Variants in FBXW10 observed in about 807,000 individuals in gnomAD.
The protein encoded by FBXW10 is F-box/WD repeat-containing protein 10.
FBXW10 carries 68 observed loss-of-function variants against 113.1 expected under a neutral mutation model. That is an observed-to-expected ratio of 0.60 (90% CI 0.49 to 0.74). FBXW10 has a LOEUF of 0.74. FBXW10 is among the 30% of genes least tolerant of loss of function. FBXW10 has a pLI of 0.00. For missense variants in FBXW10, 753 were observed against 1,284.5 expected (o/e 0.59, Z 6.32); for synonymous variants, 289 against 481.6 (o/e 0.60, Z 5.24).
chr17:18,778,824 G>A lies in FBXW10; in HGVS notation c.2685G>A (p.Leu895=). Residue 895 remains leucine, a synonymous_variant, in exon 14 of 14, where the codon TTG becomes TTA. Transcript: ENST00000395665. ...PLEIQKLQPN[L]KISLHSPRVQ... ...AAATCCAGAAACTGCAGCCCAACTT[G>A]AAGATCTCTTTGCACAGTCCTAGAG... is the stretch of plus-strand genomic sequence containing the variant. 6.2e-7 allele frequency: 1 copy of A among 1,613,910 alleles called. No individual in the cohort carries two copies. Among genetic ancestry groups the A allele is most frequent in the Non-Finnish European group, 8.5e-7 (1 of 1,179,862 alleles).
intron 7 of FBXW10, among the ~76,000 whole-genome samples, chr17:18,760,967 A>G (rs1218151097): frequency 6.6e-6 from 1 of 152,056 alleles, no homozygotes; most frequent in Non-Finnish European, 1.5e-5. Flanking sequence ...TCAACCTTGT[A>G]TGTGGCATTA....
intron 1 of FBXW10, chr17:18,745,075 C>T (rs112087876): frequency 0.33 from 404,206 of 1,231,942 alleles, 70,833 homozygotes; most frequent in Non-Finnish European, 0.36. Context: ...ATGCTGGTGT[C>T]GTTCCTGCTT....
chr17:18,764,281 A>C (rs563226722), intron 7 of FBXW10, among the ~76,000 whole-genome samples: 7 of 147,426 alleles, frequency 4.7e-5, no homozygotes, highest in Non-Finnish European at 4.4e-5. Flanking sequence ...AGCTCGCTGC[A>C]ACCTCTGCCT....
At chr17:18,756,206 A>T (rs767878650) in intron 6 of FBXW10, 52 bp downstream of exon 6, 2 of 1,556,812 alleles carry the variant, frequency 1.3e-6, no homozygotes, top group South Asian at 2.3e-5. Flanking sequence ...AGTTACCCAC[A>T]CTGACATTTG....
At chr17:18,761,394 T>C (rs1317192320) in intron 7 of FBXW10, among the ~76,000 whole-genome samples, 1 of 151,718 alleles carries the variant, frequency 6.6e-6, no homozygotes, top group Non-Finnish European at 1.5e-5. Flanking sequence ...GCCTCCCGAG[T>C]AGCTGGGACT....
At chr17:18,756,252 G>A (rs544706827) in intron 6 of FBXW10, 98 bp downstream of exon 6, 7 of 1,092,092 alleles carry the variant, frequency 6.4e-6, no homozygotes, top group Admixed American at 6.2e-5. Context: ...GGAAAGGCAA[G>A]CTCTCCTCAC....
rs1193914346 is a variant in FBXW10, at chr17:18,749,730, T to G, written c.679T>G (p.Trp227Gly). The G allele has an allele frequency of 6.2e-7, 1 of 1,613,992 alleles. No individual in the cohort carries two copies. The highest frequency in any genetic ancestry group is 2.2e-5 in the East Asian group (1 of 44,888). ...LGAASNPEEP[W>G]RNSLRCISEM... Reference sequence around the variant, plus strand: ...CTCTGGCTTCACTCTAGAGGAACCATGGAGGAATTCACTCCGGTGTATATC... The same window carrying G: ...CTCTGGCTTCACTCTAGAGGAACCAGGGAGGAATTCACTCCGGTGTATATC... The change falls in exon 3 of 14, where the codon TGG becomes GGG. Residue 227 changes from tryptophan (W) to glycine (G), a missense_variant. Transcript: ENST00000395665.
chr17:18,770,165 C>T, intron 11 of FBXW10, 80 bp downstream of exon 11: 1 of 1,594,576 alleles, frequency 6.3e-7, no homozygotes, highest in Non-Finnish European at 8.6e-7. Flanking sequence ...GGGATACCAG[C>T]CCTGGATTTG....
At chr17:18,758,957 G>A (rs1260036802) in intron 7 of FBXW10, among the ~76,000 whole-genome samples, 1 of 152,022 alleles carries the variant, frequency 6.6e-6, no homozygotes, top group Non-Finnish European at 1.5e-5. Context: ...CACGAGGTCA[G>A]GAAATCAAGA....
rs567124615 is a variant in FBXW10 at position 18,763,719 on chromosome 17, A to G, written c.1434-1023A>G. 7.2e-5 allele frequency among the ~76,000 whole-genome samples: 11 copies of G among 152,284 alleles called. No homozygotes were observed. In the South Asian group the frequency reaches 1.5e-3, roughly 20 times the overall value. ...AGATAATTCATCTTTGCTCCCATCT[A>G]TCTCTTAGATATGCTCTATATGTAC... On this transcript the variant is annotated intron_variant, in intron 7 of 13. Transcript: ENST00000395665.
intron 5 of FBXW10, among the ~76,000 whole-genome samples, chr17:18,753,252 G>A (rs1359954752): frequency 1.3e-5 from 2 of 152,138 alleles, no homozygotes; most frequent in Non-Finnish European, 1.5e-5. Flanking sequence ...AAAACAGTGG[G>A]CCATCATGAG....
At chr17:18,768,313 G>A (rs979619768) in intron 9 of FBXW10, among the ~76,000 whole-genome samples, 24 of 152,046 alleles carry the variant, frequency 1.6e-4, no homozygotes, top group African/African-American at 4.6e-4. Context: ...TGATCCGCCC[G>A]CCTCGGCCTC....
intron 7 of FBXW10, among the ~76,000 whole-genome samples, chr17:18,761,543 G>A (rs548628284): frequency 4.3e-4 from 65 of 152,306 alleles, no homozygotes; most frequent in Non-Finnish European, 8.1e-4. Context: ...GGGATTACAG[G>A]CATGAGCCAC....
At chr17:18,763,384 C>A (rs71372288) in intron 7 of FBXW10, among the ~76,000 whole-genome samples, 34,484 of 151,666 alleles carry the variant, frequency 0.23, 4,346 homozygotes, top group East Asian at 0.54. Context: ...TCTCGATCTC[C>A]TGACCTCGTG....
At chr17:18,745,081 T>C in intron 1 of FBXW10, 1 of 1,232,088 alleles carries the variant, frequency 8.1e-7, no homozygotes, top group Non-Finnish European at 1.0e-6. Context: ...GTGTCGTTCC[T>C]GCTTTAGGGA....
At chr17:18,768,981 G>A (rs1487510332) in intron 10 of FBXW10, among the ~76,000 whole-genome samples, 3 of 140,152 alleles carry the variant, frequency 2.1e-5, no homozygotes, top group African/African-American at 5.3e-5. Context: ...CTGTTGCCAG[G>A]CTGGAGTGCA....
intron 5 of FBXW10, among the ~76,000 whole-genome samples, chr17:18,755,386 CT>C (rs1372470840): frequency 6.6e-6 from 1 of 152,068 alleles, no homozygotes; most frequent in Non-Finnish European, 1.5e-5. Flanking sequence ...GAAACCCTGT[CT>C]CTACTAAAAA....
intron 5 of FBXW10, among the ~76,000 whole-genome samples, chr17:18,755,041 TC>T (rs2035232795): frequency 6.6e-6 from 1 of 151,988 alleles, no homozygotes; most frequent in South Asian, 2.1e-4. Flanking sequence ...GGCAGGCAGA[TC>T]ACCTGAGGTC....
intron 7 of FBXW10, among the ~76,000 whole-genome samples, chr17:18,762,126 C>A (rs1373498385): frequency 2.0e-5 from 3 of 150,996 alleles, no homozygotes; most frequent in Non-Finnish European, 4.4e-5. Flanking sequence ...CCACGCCTGG[C>A]TAATTTTTTG....
Sources: gnomAD v4.1 joint callset for allele counts (sites outside exome capture counted in the v4.1 genomes callset) on GRCh38, gnomAD v4.1.1 for gene constraint, MANE v1.5 for transcripts, NCBI Gene and HGNC (gene_info 2026-07-23, HGNC 2026-07-21) for gene names.